Variants in CSMD1 observed in about 807,000 individuals in gnomAD.
CSMD1 encodes CUB and Sushi multiple domains 1.
Under a neutral mutation model 417.5 loss-of-function variants are expected in CSMD1, and 213 were observed. The ratio of observed to expected loss-of-function variants is 0.51; its 90% CI spans 0.46 to 0.57. The LOEUF (loss-of-function observed/expected upper bound fraction) is 0.57, where lower values mean the gene tolerates loss of function less well. Among genes scored for constraint, CSMD1 ranks in the 20% least tolerant of loss-of-function variants. The probability of loss-of-function intolerance (pLI) is 0.00; values close to 1 mark genes in which losing one functional copy is unlikely to be tolerated. For synonymous variants in CSMD1, 2,862 were observed against 1,736.8 expected (o/e 1.65, Z -16.11); for missense variants, 6,923 against 4,529.7 (o/e 1.53, Z -15.17).
At chr8:3,537,290 A>T (rs535990088) in intron 10 of CSMD1, among the ~76,000 whole-genome samples, 214 of 152,344 alleles carry the variant, frequency 1.4e-3, no homozygotes, top group Admixed American at 2.6e-3. Context: ...GGCATGAGCC[A>T]TCATGCCCGG....
intron 3 of CSMD1, among the ~76,000 whole-genome samples, chr8:4,041,511 T>C (rs1355873338): frequency 6.6e-6 from 1 of 152,044 alleles, no homozygotes; most frequent in South Asian, 2.1e-4. Flanking sequence ...CAAACCCCAG[T>C]GAAAGAATGT....
At chr8:4,381,359 C>T (rs1350792628) in intron 3 of CSMD1, among the ~76,000 whole-genome samples, 1 of 152,066 alleles carries the variant, frequency 6.6e-6, no homozygotes, top group Non-Finnish European at 1.5e-5. Flanking sequence ...ATCTGGTGAC[C>T]CTATGACCCT....
chr8:3,295,796 G>A (rs886279121), intron 25 of CSMD1, among the ~76,000 whole-genome samples: 1 of 152,120 alleles, frequency 6.6e-6, no homozygotes, highest in Non-Finnish European at 1.5e-5. Flanking sequence ...ATGGTGTCTT[G>A]TTTAAATTAC....
intron 10 of CSMD1, among the ~76,000 whole-genome samples, chr8:3,542,296 A>G (rs1390674270): frequency 2.0e-5 from 3 of 151,948 alleles, no homozygotes; most frequent in Admixed American, 1.3e-4. Flanking sequence ...ATTCATTCAG[A>G]TGGTTCATTC....
intron 2 of CSMD1, among the ~76,000 whole-genome samples, chr8:4,508,585 T>C (rs1421268158): frequency 1.3e-5 from 2 of 152,164 alleles, no homozygotes; most frequent in Non-Finnish European, 2.9e-5. Flanking sequence ...GAATATGCCA[T>C]ATTTTCTTTT....
rs1554499436 is a variant in CSMD1 at position 3,285,388 on chromosome 8, C to CA, written c.3951-1043_3951-1042insT. 5.6e-3 allele frequency among the ~76,000 whole-genome samples: 826 copies of CA among 146,832 alleles called. 4 individuals are homozygous for CA. Among genetic ancestry groups the CA allele is most frequent in the Non-Finnish European group, 7.4e-3 (494 of 67,020 alleles). ...ACATTTTGCCCTATTTTTGTCAGAACTTTTTTTTTTTTTCTAGAGATGGGA... is the reference window on the plus strand; with the variant it reads ...ACATTTTGCCCTATTTTTGTCAGAACATTTTTTTTTTTTTCTAGAGATGGGA... On this transcript the variant is annotated intron_variant, in intron 25 of 69. Coordinates refer to ENST00000635120, the MANE Select transcript of CSMD1 (RefSeq NM_033225.6).
chr8:3,291,528 T>C (rs1803560415), intron 25 of CSMD1, among the ~76,000 whole-genome samples: 1 of 152,202 alleles, frequency 6.6e-6, no homozygotes, highest in Non-Finnish European at 1.5e-5. Context: ...TATTCAGAGA[T>C]TCAACTTCTT....
At chr8:3,250,723 G>C (rs1374448231) in intron 26 of CSMD1, among the ~76,000 whole-genome samples, 1 of 152,096 alleles carries the variant, frequency 6.6e-6, no homozygotes, top group East Asian at 1.9e-4. Context: ...AGCACCTGTT[G>C]TTTCCTGACT....
intron 1 of CSMD1, among the ~76,000 whole-genome samples, chr8:4,878,664 GA>G (rs1003262140): frequency 3.3e-5 from 5 of 151,914 alleles, no homozygotes; most frequent in Admixed American, 6.6e-5. Context: ...CATTACTTGT[GA>G]AATGTGTAGG....
intron 5 of CSMD1, among the ~76,000 whole-genome samples, chr8:3,878,370 A>G (rs559834261): frequency 6.6e-5 from 10 of 152,306 alleles, no homozygotes; most frequent in African/African-American, 1.9e-4. Context: ...TTGATACACG[A>G]AGAAAATCCT....
intron 4 of CSMD1, among the ~76,000 whole-genome samples, chr8:4,030,912 A>G (rs1437720324): frequency 2.6e-5 from 4 of 152,184 alleles, no homozygotes; most frequent in African/African-American, 9.7e-5. Context: ...ACAACTCTCT[A>G]GGGCAGGGGC....
rs373406165 is a variant in CSMD1 at position 4,346,584 on chromosome 8, A to G, written c.415+73369T>C. Among the ~76,000 whole-genome samples, 59 of 152,280 alleles carry G rather than the reference A, an allele frequency of 3.9e-4. 1 individual carries two copies. Among genetic ancestry groups the G allele is most frequent in the South Asian group, 2.9e-3 (14 of 4,828 alleles). ...AGCGTGCTTTTCGTTATTGTTCTTG[A>G]CTGATTTCATTTCAATCTTCAGCAG... On this transcript the variant is annotated intron_variant, in intron 3 of 69. Coordinates refer to ENST00000635120, the MANE Select transcript of CSMD1 (RefSeq NM_033225.6).
chr8:4,491,022 G>C (rs1050649056), intron 2 of CSMD1, among the ~76,000 whole-genome samples: 2 of 152,118 alleles, frequency 1.3e-5, no homozygotes, highest in Non-Finnish European at 2.9e-5. Flanking sequence ...GGGACATGTA[G>C]GCAGCTCCTA....
intron 7 of CSMD1, among the ~76,000 whole-genome samples, chr8:3,669,163 T>A (rs1007969676): frequency 6.6e-6 from 1 of 152,312 alleles, no homozygotes; most frequent in South Asian, 2.1e-4. Context: ...GGAAAGCACG[T>A]ACAAATGAGC....
At chr8:4,645,626 C>G (rs1301113666) in intron 1 of CSMD1, among the ~76,000 whole-genome samples, 1 of 151,948 alleles carries the variant, frequency 6.6e-6, no homozygotes, top group African/African-American at 2.4e-5. Flanking sequence ...TAATTGTAGA[C>G]TGGCAAAAAG....
intron 3 of CSMD1, among the ~76,000 whole-genome samples, chr8:4,415,901 C>A (rs565886615): frequency 3.9e-5 from 6 of 152,300 alleles, no homozygotes; most frequent in African/African-American, 9.6e-5. Flanking sequence ...ATTGCAACTT[C>A]TGTAGATGTA....
At chr8:3,180,102 A>G (rs1020072989) in intron 37 of CSMD1, among the ~76,000 whole-genome samples, 15 of 152,368 alleles carry the variant, frequency 9.8e-5, no homozygotes, top group African/African-American at 3.6e-4. Flanking sequence ...GGAGATGAAT[A>G]TCAACGTTAA....
intron 1 of CSMD1, among the ~76,000 whole-genome samples, chr8:4,833,702 G>A (rs1800287536): frequency 6.6e-6 from 1 of 152,152 alleles, no homozygotes; most frequent in Non-Finnish European, 1.5e-5. Context: ...AATATCTAGT[G>A]GAAGGAGGGT....
intron 2 of CSMD1, among the ~76,000 whole-genome samples, chr8:4,576,576 G>C (rs556307343): frequency 6.6e-6 from 1 of 152,198 alleles, no homozygotes; most frequent in African/African-American, 2.4e-5. Flanking sequence ...GTGGGGTGTG[G>C]CGTTGGGTTA....
Sources: allele counts gnomAD v4.1 joint callset (sites outside exome capture counted in the v4.1 genomes callset), GRCh38; gene constraint gnomAD v4.1.1; transcripts MANE v1.5; gene names NCBI Gene and HGNC (gene_info 2026-07-23, HGNC 2026-07-21).